The following VPS39 variants were observed in gnomAD, a reference collection of about 807,000 sequenced individuals.
VPS39 encodes vam6/Vps39-like protein.
A neutral mutation model predicts 121.0 loss-of-function variants in VPS39; 70 were observed. The ratio of observed to expected loss-of-function variants is 0.58; its 90% CI spans 0.48 to 0.71. The LOEUF (loss-of-function observed/expected upper bound fraction) is 0.71, where lower values mean the gene tolerates loss of function less well. VPS39 is among the 30% of genes least tolerant of loss of function. VPS39 has a pLI of 0.00. For missense variants in VPS39, 818 were observed against 1,051.5 expected (o/e 0.78, Z 3.07); for synonymous variants, 378 against 398.1 (o/e 0.95, Z 0.60).
intron 4 of VPS39, among the ~76,000 whole-genome samples, chr15:42,190,829 A>G (rs945137905): frequency 6.6e-6 from 1 of 152,250 alleles, no homozygotes; most frequent in African/African-American, 2.4e-5. Context: ...CAAAGATAGC[A>G]ACTATGTCTC....
At chr15:42,183,526 G>C (rs1181633901) in intron 8 of VPS39, among the ~76,000 whole-genome samples, 1 of 152,100 alleles carries the variant, frequency 6.6e-6, no homozygotes, top group Non-Finnish European at 1.5e-5. Context: ...CCTGTATCAA[G>C]TCAGGCTCTG....
chr15:42,164,372 T>G lies in VPS39; in HGVS notation c.2012A>C (p.Asp671Ala). 8.7e-6 allele frequency: 14 copies of G among 1,613,986 alleles called. No individual in the cohort carries two copies. The highest frequency in any genetic ancestry group is 1.2e-5 in the Non-Finnish European group (14 of 1,179,936). Residue 671 changes from aspartate to alanine, a missense_variant, in exon 19 of 25, where the codon GAT (aspartate) becomes GCT (alanine). Coordinates refer to ENST00000318006, the MANE Select transcript of VPS39 (RefSeq NM_015289.5). ...SYYDPGRLIC[D>A]FPFDGLLEER... Reference sequence around the variant, plus strand: ...CAGACACTCACCATCAAAGGGAAAATCACAGATGAGCCGGCCTGGATCATA... The same window carrying G: ...CAGACACTCACCATCAAAGGGAAAAGCACAGATGAGCCGGCCTGGATCATA...
In VPS39 at chr15:42,166,978, G is replaced by C. The variant is rs1182389932; in HGVS notation, c.1378-65C>G. On this transcript the variant is annotated intron_variant, in intron 13 of 24. Coordinates refer to ENST00000318006, the MANE Select transcript of VPS39 (RefSeq NM_015289.5). The stretch of plus-strand genomic sequence containing the variant: ...GGGAGCCCCACCCTTCCCTGGCCCA[G>C]GCCTGCTCTAGGCTGAAAGGCCAGG... The C allele has an allele frequency of 5.0e-6, 8 of 1,603,590 alleles. No individual in the cohort carries two copies. The African/African-American group carries it at 6.7e-5, about 13-fold the overall frequency.
At chr15:42,204,553 G>A (rs1002654602) in intron 1 of VPS39, among the ~76,000 whole-genome samples, 1 of 152,144 alleles carries the variant, frequency 6.6e-6, no homozygotes, top group Non-Finnish European at 1.5e-5. Flanking sequence ...GGGAGGCTGA[G>A]GCACGACAGT....
intron 19 of VPS39, among the ~76,000 whole-genome samples, 158 bp downstream of exon 19, chr15:42,164,200 A>G (rs945481323): frequency 6.6e-6 from 1 of 152,216 alleles, no homozygotes; most frequent in Non-Finnish European, 1.5e-5. Flanking sequence ...ACGGTACAAA[A>G]GTGAGTCTTC....
At chr15:42,162,299 A>C in intron 22 of VPS39, 33 bp downstream of exon 22, 1 of 1,599,172 alleles carries the variant, frequency 6.3e-7, no homozygotes, top group South Asian at 1.1e-5. Flanking sequence ...CTCCCTGCAA[A>C]CACCCTCCAT....
intron 8 of VPS39, 87 bp downstream of exon 8, chr15:42,184,430 G>A (rs2049655927): frequency 7.1e-7 from 1 of 1,409,072 alleles, no homozygotes; most frequent in East Asian, 2.4e-5. Flanking sequence ...AAACCAGTCT[G>A]CTAAAGCTAC....
chr15:42,193,562 G>A (rs1330848730), intron 2 of VPS39, among the ~76,000 whole-genome samples: 2 of 146,920 alleles, frequency 1.4e-5, no homozygotes, highest in African/African-American at 2.6e-5. Context: ...TTACTCATAC[G>A]TGATTTTAAA....
chr15:42,169,891 C>T, intron 11 of VPS39, 25 bp from the exon 12 acceptor site: 2 of 1,591,488 alleles, frequency 1.3e-6, no homozygotes, highest in Non-Finnish European at 1.7e-6. Flanking sequence ...AACATGATTC[C>T]TCTGGAAAGG....
chr15:42,172,147 G>A (rs1311974861), intron 11 of VPS39, among the ~76,000 whole-genome samples: 3 of 152,138 alleles, frequency 2.0e-5, no homozygotes, highest in Non-Finnish European at 4.4e-5. Flanking sequence ...CTTGAACCTG[G>A]CAGGACCCTT....
Position 42,160,266 on chromosome 15 carries a change from G to A in VPS39, c.*488C>T, listed in dbSNP as rs555347395. 1 of 155,434 alleles carries A rather than the reference G, an allele frequency of 6.4e-6. No individual in the cohort carries two copies. Among genetic ancestry groups the A allele is most frequent in the South Asian group, 2.0e-4 (1 of 5,030 alleles). The allele number at this position is 155,434 out of a possible 1,614,324, so 9.6% of individuals were successfully genotyped here. On this transcript the variant is annotated 3_prime_UTR_variant, in exon 25 of 25. Transcript: ENST00000318006. ...AGGGGTGCAGGGCACAGTTACCATG[G>A]AGACGTAAAACACTACACAGAATGC...
At chr15:42,181,631 A>G (rs1356353174) in intron 8 of VPS39, among the ~76,000 whole-genome samples, 1 of 152,244 alleles carries the variant, frequency 6.6e-6, no homozygotes, top group Non-Finnish European at 1.5e-5. Flanking sequence ...CATAATTACC[A>G]CATAGAAATT....
chr15:42,173,829 A>AAAG lies in VPS39; in HGVS notation c.983_984insCTT (p.Ser328_Glu329insPhe). 1 of 1,614,202 alleles carries AAAG rather than the reference A, an allele frequency of 6.2e-7. No individual in the cohort carries two copies. The highest frequency in any genetic ancestry group is 8.5e-7 in the Non-Finnish European group (1 of 1,180,006). On this transcript the variant is annotated inframe_insertion, in exon 11 of 25. Coordinates refer to ENST00000318006, the MANE Select transcript of VPS39 (RefSeq NM_015289.5). ...TGTGATGAATTTGTTGCTGCTTTTC[A>AAAG]CTGTCAGAATCATCTTTCATTTCCT... is the stretch of plus-strand genomic sequence containing the variant.
In VPS39 at chr15:42,208,241, A is replaced by T; in HGVS notation, c.-88T>A. On this transcript the variant is annotated 5_prime_UTR_variant, in exon 1 of 25. Transcript: ENST00000318006. ...CGGAACGAGTCTGGGCTAAGGGTAG[A>T]CCGGGATCCGGCCAGGAACCCCCCG... 6.6e-7 allele frequency: 1 copy of T among 1,504,836 alleles called. No homozygotes were observed. Among genetic ancestry groups the T allele is most frequent in the Non-Finnish European group, 9.0e-7 (1 of 1,114,412 alleles). 93.2% of individuals were successfully genotyped at this position (1,504,836 alleles called of 1,614,324 possible).
Position 42,162,039 on chromosome 15 carries a change from A to G in VPS39, c.2453T>C (p.Phe818Ser). 2 of 1,614,236 alleles carry G rather than the reference A, an allele frequency of 1.2e-6. No individual in the cohort carries two copies. The highest frequency in any genetic ancestry group is 1.7e-6 in the Non-Finnish European group (2 of 1,180,040). ...QVLKNLLHAEFLRVQEERILH... is the reference protein window; with the variant it reads ...QVLKNLLHAESLRVQEERILH... The stretch of plus-strand genomic sequence containing the variant: ...TGGAAGGCCCATACCTACCCTCAGG[A>G]ATTCTGCATGGAGAAGGTTCTTGAG... The change falls in exon 23 of 25, where the codon TTC (phenylalanine) becomes TCC (serine). Residue 818 changes from phenylalanine to serine, a missense_variant. Transcript: ENST00000318006.
At chr15:42,165,991 GCT>G (rs1042105440) in intron 16 of VPS39, among the ~76,000 whole-genome samples, 166 bp downstream of exon 16, 3 of 152,134 alleles carry the variant, frequency 2.0e-5, no homozygotes, top group Non-Finnish European at 4.4e-5. Context: ...CCTGTGTAAG[GCT>G]CTCTCTACCA....
At chr15:42,208,022 A>G in intron 1 of VPS39, 59 bp downstream of exon 1, 2 of 1,539,954 alleles carry the variant, frequency 1.3e-6, no homozygotes, top group South Asian at 2.4e-5. Context: ...CCGGCCTCAG[A>G]AAAGATCCGG....
chr15:42,165,183 C>T (rs1477290598), intron 17 of VPS39, 70 bp from the exon 18 acceptor site: 5 of 1,465,648 alleles, frequency 3.4e-6, no homozygotes, highest in Non-Finnish European at 4.8e-6. Context: ...GCCTCCCTCA[C>T]ATTTTTAAGG....
In VPS39 at chr15:42,169,828, G is replaced by A. The variant is rs747869122; in HGVS notation, c.1129C>T (p.Pro377Ser). The change falls in exon 12 of 25, where the codon CCC becomes TCC. Residue 377 changes from proline (P) to serine (S), a missense_variant. By Grantham distance (74) the Pro-to-Ser change is moderately conservative. Coordinates refer to ENST00000318006, the MANE Select transcript of VPS39 (RefSeq NM_015289.5). ...HVMGLYPDLL[P>S]TDYRKQLQYP... Reference sequence around the variant, plus strand: ...TGCAACTGCTTTCTGTAGTCTGTGGGCAGCAGGTCAGGGTACAGGCCCATC... The same window carrying A: ...TGCAACTGCTTTCTGTAGTCTGTGGACAGCAGGTCAGGGTACAGGCCCATC... The A allele has an allele frequency of 6.2e-7, 1 of 1,614,072 alleles. No individual in the cohort carries two copies. The highest frequency in any genetic ancestry group is 1.7e-5 in the Admixed American group (1 of 60,014).
Sources: allele counts gnomAD v4.1 joint callset (sites outside exome capture counted in the v4.1 genomes callset), GRCh38; gene constraint gnomAD v4.1.1; transcripts MANE v1.5; gene names NCBI Gene and HGNC (gene_info 2026-07-23, HGNC 2026-07-21).